The following DMRT1 variants were observed in gnomAD, a reference collection of about 807,000 sequenced individuals.
The protein encoded by DMRT1 is doublesex and mab-3 related transcription factor 1.
A neutral mutation model predicts 32.3 loss-of-function variants in DMRT1; 7 were observed. The ratio of observed to expected loss-of-function variants is 0.22; its 90% confidence interval spans 0.12 to 0.41. The LOEUF is 0.41. Among genes scored for constraint, DMRT1 ranks in the 10% least tolerant of loss-of-function variants. The pLI is 1.00. For synonymous variants in DMRT1, 278 were observed against 206.1 expected, an observed-to-expected ratio of 1.35 and a Z score of -2.99; for missense variants, 625 against 500.5, an observed-to-expected ratio of 1.25 and a Z score of -2.37.
intron 1 of DMRT1, chr9:842,453 C>G (rs961561777): frequency 4.1e-6 from 2 of 491,180 alleles, no homozygotes; most frequent in South Asian, 2.3e-5. Context: ...TCAGGCCGGT[C>G]TCGAGCTCCT....
intron 3 of DMRT1, among the ~76,000 whole-genome samples, chr9:916,268 C>G (rs1288230735): frequency 1.3e-5 from 2 of 152,104 alleles, no homozygotes; most frequent in African/African-American, 4.8e-5. Flanking sequence ...TAGAGGGGAC[C>G]TTAAGATAGA....
At chr9:914,876 C>G (rs973744356) in intron 3 of DMRT1, among the ~76,000 whole-genome samples, 3 of 152,172 alleles carry the variant, frequency 2.0e-5, no homozygotes, top group Admixed American at 6.5e-5. Flanking sequence ...GCTCTTTCTA[C>G]CAAACAGCAC....
chr9:948,948 C>T (rs1212875938), intron 4 of DMRT1, among the ~76,000 whole-genome samples: 1 of 146,784 alleles, frequency 6.8e-6, no homozygotes, highest in Non-Finnish European at 1.5e-5. Context: ...ATAATAATAG[C>T]CGGGCGTGGT....
intron 2 of DMRT1, among the ~76,000 whole-genome samples, chr9:862,809 T>C (rs1276858067): frequency 6.6e-6 from 1 of 152,086 alleles, no homozygotes; most frequent in Non-Finnish European, 1.5e-5. Flanking sequence ...TGGTTGGGGT[T>C]TTCCTAGTTA....
At chr9:858,319 C>A (rs116543343) in intron 2 of DMRT1, among the ~76,000 whole-genome samples, 1 of 151,942 alleles carries the variant, frequency 6.6e-6, no homozygotes, top group Non-Finnish European at 1.5e-5. Context: ...CTTACGCTTG[C>A]TGCCATAGGG....
chr9:846,879 T>C, intron 1 of DMRT1, 81 bp from the exon 2 acceptor site: 1 of 1,539,578 alleles, frequency 6.5e-7, no homozygotes, highest in Non-Finnish European at 9.0e-7. Context: ...AATCATGGTG[T>C]CTGGGATGGG....
At chr9:953,198 A>G (rs1454773423) in intron 4 of DMRT1, among the ~76,000 whole-genome samples, 1 of 152,184 alleles carries the variant, frequency 6.6e-6, no homozygotes, top group Non-Finnish European at 1.5e-5. Flanking sequence ...AATGAAAGTG[A>G]TCTATCTAAA....
chr9:936,763 A>C (rs1475284947), intron 4 of DMRT1, among the ~76,000 whole-genome samples: 1 of 151,998 alleles, frequency 6.6e-6, no homozygotes, highest in African/African-American at 2.4e-5. Context: ...CAAAAAAAAA[A>C]AAAAAAAGTC....
chr9:953,897 C>A (rs757471255), intron 4 of DMRT1, among the ~76,000 whole-genome samples: 1 of 152,200 alleles, frequency 6.6e-6, no homozygotes, highest in Non-Finnish European at 1.5e-5. Context: ...AGAACCATAA[C>A]ATGGTCCCTC....
chr9:858,411 TCA>T, intron 2 of DMRT1, among the ~76,000 whole-genome samples: 1 of 152,320 alleles, frequency 6.6e-6, no homozygotes, highest in Non-Finnish European at 1.5e-5. Context: ...GTTCTTTGAC[TCA>T]CATATTCCTA....
chr9:897,885 T>C (rs974787283), intron 3 of DMRT1, among the ~76,000 whole-genome samples: 1 of 152,152 alleles, frequency 6.6e-6, no homozygotes. Context: ...TATGAATGTG[T>C]ATGGATTGAT....
intron 3 of DMRT1, among the ~76,000 whole-genome samples, chr9:900,853 C>T (rs985213168): frequency 2.6e-5 from 4 of 151,614 alleles, no homozygotes; most frequent in African/African-American, 9.7e-5. Context: ...CCACACCTGG[C>T]TAATTAAAAA....
intron 2 of DMRT1, among the ~76,000 whole-genome samples, chr9:889,064 A>G (rs1357489465): frequency 6.6e-6 from 1 of 152,130 alleles, no homozygotes; most frequent in Non-Finnish European, 1.5e-5. Flanking sequence ...GTGGGGCCCA[A>G]GAATTTGCAT....
At chr9:848,310 G>T (rs1376506071) in intron 2 of DMRT1, among the ~76,000 whole-genome samples, 3 of 152,228 alleles carry the variant, frequency 2.0e-5, no homozygotes, top group East Asian at 1.9e-4. Context: ...GGGTTCCTGA[G>T]GGTCTTAAAG....
intron 2 of DMRT1, among the ~76,000 whole-genome samples, chr9:869,624 C>T (rs548095348): frequency 6.6e-6 from 1 of 152,328 alleles, no homozygotes; most frequent in African/African-American, 2.4e-5. Flanking sequence ...CTCCTCCCCT[C>T]TCTTGTTCTC....
At chr9:930,615 A>G (rs1454434188) in intron 4 of DMRT1, among the ~76,000 whole-genome samples, 3 of 152,064 alleles carry the variant, frequency 2.0e-5, no homozygotes, top group East Asian at 1.9e-4. Context: ...TCACCATGTT[A>G]GCCAGGATGG....
intron 3 of DMRT1, chr9:894,644 C>T (rs571330876): frequency 1.9e-4 from 51 of 269,374 alleles, no homozygotes; most frequent in African/African-American, 9.9e-4. Flanking sequence ...CAGTAATCTG[C>T]GTGATGAATT....
chr9:842,436 A>G (rs1414858984), intron 1 of DMRT1: 7 of 554,038 alleles, frequency 1.3e-5, no homozygotes, highest in African/African-American at 5.9e-5. Flanking sequence ...GGGTTTCACC[A>G]TATTGGTCAG....
Position 916,875 on chromosome 9 carries a change from A to T in DMRT1, c.935A>T (p.Asp312Val). 1.2e-6 allele frequency: 2 copies of T among 1,614,128 alleles called. No homozygotes were observed. Among genetic ancestry groups the T allele is most frequent in the Non-Finnish European group, 8.5e-7 (1 of 1,180,028 alleles). ...QSVPQFFTFE[D>V]APSYPEARAS... Reference sequence around the variant, plus strand: ...GTGCCCCAGTTCTTCACTTTTGAGGATGCTCCCTCTTACCCGGAAGCCAGG... The same window carrying T: ...GTGCCCCAGTTCTTCACTTTTGAGGTTGCTCCCTCTTACCCGGAAGCCAGG... The change falls in exon 4 of 5, where the codon GAT (aspartate) becomes GTT (valine). Residue 312 changes from aspartate to valine, a missense_variant. Around this residue, in one of 3 missense-constraint regions of DMRT1, gnomAD observed 416 missense variants for 321.6 expected, o/e 1.29. Transcript: ENST00000382276.
Sources: gnomAD v4.1 joint callset for allele counts (sites outside exome capture counted in the v4.1 genomes callset) on GRCh38, gnomAD v4.1.1 for gene constraint, gnomAD v4.1.1 regional missense constraint, MANE v1.5 for transcripts, NCBI Gene and HGNC (gene_info 2026-07-23, HGNC 2026-07-21) for gene names.